CDH12: variants seen among roughly 807,000 people sequenced by gnomAD.
CDH12 encodes cadherin 12, also known as cadherin-12.
Under a neutral mutation model 74.1 loss-of-function variants are expected in CDH12, and 41 were observed. That is an observed-to-expected ratio of 0.55 (90% CI 0.43 to 0.72). The LOEUF (loss-of-function observed/expected upper bound fraction) is 0.72, where lower values mean the gene tolerates loss of function less well. Among genes scored for constraint, CDH12 ranks in the 30% least tolerant of loss-of-function variants. The pLI is 0.00. For synonymous variants in CDH12, 399 were observed against 355.0 expected (o/e 1.12, Z -1.39); for missense variants, 945 against 977.2 (o/e 0.97, Z 0.44).
At chr5:22,217,676 A>C (rs1005384657) in intron 3 of CDH12, among the ~76,000 whole-genome samples, 8 of 151,914 alleles carry the variant, frequency 5.3e-5, no homozygotes, top group African/African-American at 1.7e-4. Flanking sequence ...AAGATACTAA[A>C]AATTAGTAAT....
chr5:21,829,720 T>G (rs1748897174), intron 8 of CDH12, among the ~76,000 whole-genome samples: 1 of 152,222 alleles, frequency 6.6e-6, no homozygotes, highest in African/African-American at 2.4e-5. Flanking sequence ...AGATTGCCGC[T>G]GCTGTCAGAA....
chr5:21,905,138 G>A (rs777682429), intron 6 of CDH12, among the ~76,000 whole-genome samples: 6 of 152,202 alleles, frequency 3.9e-5, no homozygotes, highest in Non-Finnish European at 5.9e-5. Context: ...AGTGGGTGCC[G>A]TAGAGCACAG....
At chr5:22,576,204 T>C (rs1169613570) in intron 1 of CDH12, among the ~76,000 whole-genome samples, 1 of 152,204 alleles carries the variant, frequency 6.6e-6, no homozygotes. Context: ...ATCTGAAGAC[T>C]TTCTGGTTGC....
chr5:22,112,235 T>C (rs183792067), intron 4 of CDH12, among the ~76,000 whole-genome samples: 2 of 152,180 alleles, frequency 1.3e-5, no homozygotes, highest in Non-Finnish European at 2.9e-5. Context: ...GAACTCTTGA[T>C]AAGCCTGGGA....
chr5:22,447,916 A>G (rs1744885293), intron 2 of CDH12, among the ~76,000 whole-genome samples: 1 of 147,508 alleles, frequency 6.8e-6, no homozygotes. Flanking sequence ...CCAAAGCGGG[A>G]GTATCACTTG....
intron 1 of CDH12, among the ~76,000 whole-genome samples, chr5:22,777,034 T>C (rs1747138208): frequency 1.3e-5 from 2 of 152,128 alleles, no homozygotes; most frequent in African/African-American, 4.8e-5. Context: ...TTTCCACATT[T>C]CCAAGGATTC....
intron 1 of CDH12, among the ~76,000 whole-genome samples, chr5:22,531,141 C>A (rs180941100): frequency 5.9e-4 from 90 of 152,112 alleles, no homozygotes; most frequent in Middle Eastern, 3.4e-3. Context: ...TCCCATGCAC[C>A]CCCAAAATGG....
intron 1 of CDH12, among the ~76,000 whole-genome samples, chr5:22,712,881 T>G (rs1354736055): frequency 6.6e-6 from 1 of 152,112 alleles, no homozygotes; most frequent in East Asian, 1.9e-4. Flanking sequence ...TTGGAAGGAA[T>G]GAATATTGCC....
chr5:22,095,019 A>G (rs925993052), intron 4 of CDH12, among the ~76,000 whole-genome samples: 3 of 152,168 alleles, frequency 2.0e-5, no homozygotes, highest in Admixed American at 6.5e-5. Flanking sequence ...TTTATTGCTC[A>G]CACAAAGCCT....
chr5:22,833,421 A>G (rs1481686071), intron 1 of CDH12, among the ~76,000 whole-genome samples: 1 of 152,202 alleles, frequency 6.6e-6, no homozygotes. Context: ...AATGCAAACT[A>G]TGCAGAATGT....
chr5:22,272,002 G>C (rs1736422521), intron 3 of CDH12, among the ~76,000 whole-genome samples: 1 of 152,150 alleles, frequency 6.6e-6, no homozygotes, highest in South Asian at 2.1e-4. Context: ...GGCTCTAAGA[G>C]AGACAGCCTG....
At chr5:22,558,007 G>A (rs983209848) in intron 1 of CDH12, among the ~76,000 whole-genome samples, 1 of 152,038 alleles carries the variant, frequency 6.6e-6, no homozygotes, top group Non-Finnish European at 1.5e-5. Flanking sequence ...CATTGCTTAA[G>A]TAAAATTACA....
intron 1 of CDH12, among the ~76,000 whole-genome samples, chr5:22,673,281 T>C (rs1740998837): frequency 1.3e-5 from 2 of 152,180 alleles, no homozygotes; most frequent in South Asian, 4.1e-4. Flanking sequence ...AAATGCCTAT[T>C]ACAATTTTAA....
chr5:22,763,542 A>T (rs986193716), intron 1 of CDH12, among the ~76,000 whole-genome samples: 1 of 151,968 alleles, frequency 6.6e-6, no homozygotes, highest in African/African-American at 2.4e-5. Flanking sequence ...TTTGCACATG[A>T]GGTTCACGAA....
At chr5:22,444,129 A>G (rs759315669) in intron 2 of CDH12, among the ~76,000 whole-genome samples, 1 of 152,056 alleles carries the variant, frequency 6.6e-6, no homozygotes, top group Non-Finnish European at 1.5e-5. Flanking sequence ...ACAACTTGAA[A>G]AGAAAACATA....
intron 5 of CDH12, among the ~76,000 whole-genome samples, chr5:22,013,881 T>C (rs1041899098): frequency 4.6e-5 from 7 of 152,090 alleles, no homozygotes; most frequent in Non-Finnish European, 8.8e-5. Context: ...AATAATGAAG[T>C]AAGAAAAGAA....
At chr5:22,154,465 ATATGTACACATATATATG>A (rs1747869150) in intron 4 of CDH12, among the ~76,000 whole-genome samples, 1 of 710 alleles carries the variant, frequency 1.4e-3, no homozygotes, top group Admixed American at 0.05. Flanking sequence ...GTACACATAT[ATATGTACACATATATATG>A]TACACATATA....
chr5:22,004,694 G>T (rs184325383), intron 5 of CDH12, among the ~76,000 whole-genome samples: 345 of 152,278 alleles, frequency 2.3e-3, no homozygotes, highest in Admixed American at 3.8e-3. Flanking sequence ...GTGCAGGTTT[G>T]TTACATGGAT....
rs139692753 is a variant in CDH12, at chr5:22,636,137, G to T, written c.-522-130773C>A. On this transcript the variant is annotated intron_variant, in intron 1 of 14. Transcript: ENST00000382254. ...GTAACCCCAATCAAAACCACAATGA[G>T]ATACCATTGCACTCATTAAGATGGC... 2.7e-3 allele frequency among the ~76,000 whole-genome samples: 413 copies of T among 152,116 alleles called. 1 individual carries two copies. The highest frequency in any genetic ancestry group is 9.4e-3 in the African/African-American group (390 of 41,504).
Sources: allele counts gnomAD v4.1 joint callset (sites outside exome capture counted in the v4.1 genomes callset), GRCh38; gene constraint gnomAD v4.1.1; transcripts MANE v1.5; gene names NCBI Gene and HGNC (gene_info 2026-07-23, HGNC 2026-07-21).